Variants in CEP135 observed in about 807,000 individuals in gnomAD.
CEP135 encodes the protein centrosomal protein 135, also known as centrosomal protein of 135 kDa.
A neutral mutation model predicts 157.3 loss-of-function variants in CEP135; 142 were observed. The observed-to-expected ratio is 0.90, with a 90% CI of 0.79 to 1.04. CEP135 has a LOEUF of 1.04. Ranked by LOEUF, CEP135 falls within the 50% of genes least tolerant of loss-of-function variation. CEP135 has a pLI of 0.00. For missense variants in CEP135, 1,317 were observed against 1,309.2 expected (o/e 1.01, Z -0.09); for synonymous variants, 396 against 439.8 (o/e 0.90, Z 1.25).
intron 6 of CEP135, 50 bp downstream of exon 6, chr4:55,959,816 G>A (rs751679914): frequency 7.4e-7 from 1 of 1,357,100 alleles, no homozygotes; most frequent in Non-Finnish European, 1.1e-6. Context: ...GGTATGCTGT[G>A]ATTGTAAATA....
intron 1 of CEP135, among the ~76,000 whole-genome samples, chr4:55,949,909 C>G (rs116626923): frequency 2.0e-3 from 303 of 152,284 alleles, no homozygotes; most frequent in African/African-American, 7.0e-3. Flanking sequence ...CATTCTCTCC[C>G]CTCCAAAGCA....
Position 55,954,100 on chromosome 4 carries a change from A to G in CEP135, c.305-116A>G, listed in dbSNP as rs1288247356. On this transcript the variant is annotated intron_variant, in intron 3 of 25. Transcript: ENST00000257287. ...GGAATAAGTGTCAACTAAAGCATGC[A>G]TAAGAAGCAGGTGGAGACTTTTAAA... The G allele has an allele frequency of 4.7e-6, 4 of 853,230 alleles. No individual in the cohort carries two copies. In the African/African-American group the frequency reaches 5.2e-5, roughly 11 times the overall value. The allele number at this position is 853,230 out of a possible 1,614,324, so 52.9% of individuals were successfully genotyped here. A position where few individuals can be genotyped will look rare whatever the true frequency, so the allele number is the denominator to read the frequency against.
At chr4:55,961,148 C>A (rs1728667883) in intron 6 of CEP135, among the ~76,000 whole-genome samples, 1 of 149,842 alleles carries the variant, frequency 6.7e-6, no homozygotes, top group African/African-American at 2.4e-5. Flanking sequence ...CCCCAAAAAC[C>A]TTACTTCATG....
At chr4:55,969,208 A>G in intron 9 of CEP135, 80 bp downstream of exon 9, 1 of 1,129,480 alleles carries the variant, frequency 8.9e-7, no homozygotes, top group Non-Finnish European at 1.3e-6. Flanking sequence ...TTATCACCTG[A>G]GGTCAGGAGT....
At chr4:55,973,107 ACT>A (rs1729082087) in intron 10 of CEP135, among the ~76,000 whole-genome samples, 1 of 152,022 alleles carries the variant, frequency 6.6e-6, no homozygotes. Flanking sequence ...ACTGTCTCAA[ACT>A]CTCTTGTTTC....
At chr4:56,003,013 T>C (rs949146710) in intron 17 of CEP135, among the ~76,000 whole-genome samples, 5 of 152,180 alleles carry the variant, frequency 3.3e-5, no homozygotes, top group Admixed American at 6.5e-5. Flanking sequence ...TGTTGACATG[T>C]GATTGTAATT....
intron 9 of CEP135, among the ~76,000 whole-genome samples, chr4:55,970,940 A>G (rs367887295): frequency 2.6e-5 from 4 of 152,198 alleles, no homozygotes; most frequent in Admixed American, 2.6e-4. Flanking sequence ...AGAAGAATTT[A>G]TCTTACTACT....
intron 5 of CEP135, 85 bp downstream of exon 5, chr4:55,957,449 G>C (rs901148460): frequency 7.9e-7 from 1 of 1,264,258 alleles, no homozygotes; most frequent in Non-Finnish European, 1.1e-6. Flanking sequence ...TTTTTTTCTT[G>C]TTAACTGTTG....
At chr4:55,954,135 C>A in intron 3 of CEP135, 81 bp from the exon 4 acceptor site, 1 of 1,286,826 alleles carries the variant, frequency 7.8e-7, no homozygotes, top group Non-Finnish European at 1.1e-6. Context: ...ATTGATATGA[C>A]TTTTTGTATT....
chr4:56,015,732 G>A (rs1001655599), intron 21 of CEP135, among the ~76,000 whole-genome samples: 3 of 152,188 alleles, frequency 2.0e-5, no homozygotes, highest in African/African-American at 7.2e-5. Context: ...TCATAGGTCT[G>A]TAGATGGAGG....
intron 21 of CEP135, 21 bp downstream of exon 21, chr4:56,012,006 G>T: frequency 7.4e-7 from 1 of 1,353,716 alleles, no homozygotes; most frequent in South Asian, 1.8e-5. Context: ...TATTTGTTTT[G>T]TAAAGATGTT....
intron 23 of CEP135, 123 bp from the exon 24 acceptor site, chr4:56,020,553 C>T (rs1001757908): frequency 1.4e-6 from 1 of 725,228 alleles, no homozygotes; most frequent in African/African-American, 1.8e-5. Flanking sequence ...GATAAAAGCT[C>T]TAGAAGTTTA....
intron 14 of CEP135, among the ~76,000 whole-genome samples, chr4:55,990,391 A>G (rs1230584084): frequency 6.6e-6 from 1 of 152,182 alleles, no homozygotes; most frequent in African/African-American, 2.4e-5. Flanking sequence ...TATTGGTTTT[A>G]AAATTTAAAT....
At chr4:55,958,509 T>C (rs946763709) in intron 5 of CEP135, among the ~76,000 whole-genome samples, 1 of 152,218 alleles carries the variant, frequency 6.6e-6, no homozygotes, top group Non-Finnish European at 1.5e-5. Flanking sequence ...CTGGGAAGTG[T>C]TTTGTTCTTA....
chr4:55,991,819 T>A (rs907857964), intron 14 of CEP135, 115 bp from the exon 15 acceptor site: 25 of 653,598 alleles, frequency 3.8e-5, no homozygotes, highest in East Asian at 2.6e-4. Flanking sequence ...AAAGTTTTTT[T>A]AAAAATAAAT....
intron 13 of CEP135, among the ~76,000 whole-genome samples, chr4:55,983,561 C>T (rs976174247): frequency 6.6e-6 from 1 of 152,100 alleles, no homozygotes; most frequent in Non-Finnish European, 1.5e-5. Context: ...AAGCCCTTCC[C>T]ATGTGAGAGG....
At chr4:55,992,610 T>A (rs376348251) in intron 15 of CEP135, among the ~76,000 whole-genome samples, 67 of 152,262 alleles carry the variant, frequency 4.4e-4, no homozygotes, top group African/African-American at 1.5e-3. Flanking sequence ...GGTGGAAATA[T>A]GGAACATGGA....
intron 24 of CEP135, among the ~76,000 whole-genome samples, chr4:56,021,851 C>T (rs188034040): frequency 6.6e-6 from 1 of 152,290 alleles, no homozygotes; most frequent in East Asian, 1.9e-4. Flanking sequence ...CATGGCAAAA[C>T]ACCATCTCTA....
Position 56,011,810 on chromosome 4 carries a change from A to G in CEP135, c.2627A>G (p.Asn876Ser). 3 of 1,570,070 alleles carry G rather than the reference A, an allele frequency of 1.9e-6. No homozygotes were observed. Among genetic ancestry groups the G allele is most frequent in the Non-Finnish European group, 2.6e-6 (3 of 1,166,162 alleles). ...TTGTGATTAAACCAGGAAAAAGAAA[A>G]TCAAGATTTGTTAGATAGATTTCAG... is the stretch of plus-strand genomic sequence containing the variant. ...ESLMAAKEKE[N>S]QDLLDRFQML... Residue 876 changes from asparagine to serine, a missense_variant, in exon 21 of 26, where the codon AAT becomes AGT. Asn to Ser is a conservative substitution (Grantham distance 46, BLOSUM62 1). Transcript: ENST00000257287.
Sources: gnomAD v4.1 joint callset for allele counts (sites outside exome capture counted in the v4.1 genomes callset) on GRCh38, gnomAD v4.1.1 for gene constraint, MANE v1.5 for transcripts, NCBI Gene and HGNC (gene_info 2026-07-23, HGNC 2026-07-21) for gene names.